The following LARGE1 variants were observed in gnomAD, a reference collection of about 807,000 sequenced individuals.
LARGE1 encodes the protein xylosyl- and glucuronyltransferase LARGE1.
A neutral mutation model predicts 87.6 loss-of-function variants in LARGE1; 43 were observed. That is an observed-to-expected ratio of 0.49 (90% CI 0.38 to 0.63). The LOEUF is 0.63. Ranked by LOEUF, LARGE1 falls within the 30% of genes least tolerant of loss-of-function variation. The pLI, the probability that LARGE1 is intolerant of heterozygous loss-of-function variation, is 0.00. For missense variants in LARGE1, 802 were observed against 1,000.2 expected (o/e 0.80, Z 2.67); for synonymous variants, 434 against 394.6 (o/e 1.10, Z -1.18).
intron 11 of LARGE1, among the ~76,000 whole-genome samples, chr22:33,181,676 C>G (rs1021880624): frequency 2.0e-5 from 3 of 151,496 alleles, no homozygotes; most frequent in Non-Finnish European, 2.9e-5. Context: ...TTACAAGCGC[C>G]CGCCACCACA....
chr22:33,750,514 T>C (rs2084273761), intron 2 of LARGE1: 1 of 152,186 alleles, frequency 6.6e-6, no homozygotes, highest in Admixed American at 6.5e-5. Context: ...GTTTCCATTA[T>C]TGTTATAGTT....
rs140972021 is a variant in LARGE1 at position 33,296,682 on chromosome 22, C to G, written c.1730+7547G>C. 5.5e-3 allele frequency among the ~76,000 whole-genome samples: 837 copies of G among 151,614 alleles called. 9 individuals are homozygous for G. Among genetic ancestry groups the G allele is most frequent in the African/African-American group, 0.019 (778 of 41,286 alleles). ...CTCCGAGGTTCAAGCGATTTTCCTG[C>G]CTCAGCCTCCTGAGTAGCTGGGATT... On this transcript the variant is annotated intron_variant, in intron 12 of 14. Transcript: ENST00000397394.
intron 10 of LARGE1, among the ~76,000 whole-genome samples, chr22:33,318,707 C>T (rs746333415): frequency 2.0e-4 from 31 of 151,806 alleles, no homozygotes; most frequent in Non-Finnish European, 3.7e-4. Flanking sequence ...TGTAACTAAC[C>T]GGCACATTGT....
intron 2 of LARGE1, among the ~76,000 whole-genome samples, chr22:33,748,011 C>T (rs867364713): frequency 7.4e-6 from 1 of 134,468 alleles, no homozygotes; most frequent in Non-Finnish European, 1.5e-5. Context: ...GCACTGTGTG[C>T]CCTCTGCTGG....
chr22:33,306,313 G>A (rs776122191), intron 11 of LARGE1, among the ~76,000 whole-genome samples: 5 of 152,160 alleles, frequency 3.3e-5, no homozygotes, highest in African/African-American at 1.2e-4. Context: ...GGGACTCTGC[G>A]CTTCATGAGA....
chr22:33,439,782 C>T (rs1219396644), intron 6 of LARGE1, among the ~76,000 whole-genome samples: 1 of 152,136 alleles, frequency 6.6e-6, no homozygotes, highest in Non-Finnish European at 1.5e-5. Context: ...CCAAAACTAA[C>T]TCCACAATCT....
intron 11 of LARGE1, among the ~76,000 whole-genome samples, chr22:33,255,234 G>A (rs1052743450): frequency 6.6e-6 from 1 of 152,074 alleles, no homozygotes; most frequent in African/African-American, 2.4e-5. Flanking sequence ...CACCGTGCCT[G>A]GCCCGGGAAG....
chr22:33,218,129 C>T (rs1925295279), intron 11 of LARGE1, among the ~76,000 whole-genome samples: 1 of 152,014 alleles, frequency 6.6e-6, no homozygotes, highest in African/African-American at 2.4e-5. Context: ...GGGATTTCAT[C>T]ATGTTGGCCA....
chr22:33,664,233 C>G (rs765862933), intron 2 of LARGE1, among the ~76,000 whole-genome samples: 5 of 152,200 alleles, frequency 3.3e-5, no homozygotes, highest in Non-Finnish European at 7.3e-5. Flanking sequence ...GGAGTCCTTT[C>G]ATGTCCCCAC....
intron 11 of LARGE1, among the ~76,000 whole-genome samples, chr22:33,194,989 G>C (rs1367000262): frequency 6.6e-6 from 1 of 152,002 alleles, no homozygotes; most frequent in Non-Finnish European, 1.5e-5. Flanking sequence ...AGTTGCCCAA[G>C]GTTTTTCAGC....
At position 33,327,333 on chromosome 22, in the gene LARGE1, T is replaced by C. The variant is rs552488644; in HGVS notation, c.1287+10313A>G. ...GAGAGAGTTAAGCTTGGAAGCCTTC[T>C]TCATTTCAGAGGTGAGGCAGTGATC... On this transcript the variant is annotated intron_variant, in intron 10 of 14. Coordinates refer to ENST00000397394, the MANE Select transcript of LARGE1 (RefSeq NM_133642.5). Among the ~76,000 whole-genome samples the C allele has an allele frequency of 1.1e-4, 16 of 152,342 alleles. No homozygotes were observed. In the East Asian group the frequency reaches 2.7e-3, roughly 26 times the overall value.
At chr22:33,259,342 AC>A (rs1568993168) in intron 11 of LARGE1, among the ~76,000 whole-genome samples, 208 of 142,940 alleles carry the variant, frequency 1.5e-3, no homozygotes, top group African/African-American at 6.0e-3. Flanking sequence ...ACACACACAC[AC>A]ACACAAACAC....
intron 11 of LARGE1, among the ~76,000 whole-genome samples, chr22:33,258,290 C>G (rs1171478171): frequency 6.6e-6 from 1 of 152,148 alleles, no homozygotes; most frequent in African/African-American, 2.4e-5. Context: ...CCTTGGCCTC[C>G]CAAAGTGCTG....
chr22:33,254,955 T>TTTTTTA (rs1927186129), intron 11 of LARGE1, among the ~76,000 whole-genome samples: 1 of 140,502 alleles, frequency 7.1e-6, no homozygotes, highest in African/African-American at 2.8e-5. Context: ...TTTTTTTTTT[T>TTTTTTA]GAGACGGAGT....
At chr22:33,248,874 C>T (rs537000355) in intron 11 of LARGE1, among the ~76,000 whole-genome samples, 5 of 152,332 alleles carry the variant, frequency 3.3e-5, no homozygotes, top group Non-Finnish European at 7.3e-5. Context: ...CGTGCCTTTT[C>T]ATGGCTTAAT....
At chr22:33,203,434 C>T (rs1342823564) in intron 11 of LARGE1, among the ~76,000 whole-genome samples, 1 of 152,102 alleles carries the variant, frequency 6.6e-6, no homozygotes, top group Non-Finnish European at 1.5e-5. Flanking sequence ...ATACTGGGAA[C>T]CACTGAGCGG....
At chr22:33,446,803 T>A (rs1447272919) in intron 6 of LARGE1, among the ~76,000 whole-genome samples, 1 of 152,186 alleles carries the variant, frequency 6.6e-6, no homozygotes, top group African/African-American at 2.4e-5. Flanking sequence ...CAGGGCACCA[T>A]CTGCACAGAG....
chr22:33,577,295 A>T (rs1232927290), intron 5 of LARGE1, among the ~76,000 whole-genome samples: 1 of 152,236 alleles, frequency 6.6e-6, no homozygotes, highest in African/African-American at 2.4e-5. Context: ...ATTTAAAAAG[A>T]GGTTAAGAAA....
chr22:33,555,654 C>T (rs537070190), intron 6 of LARGE1, among the ~76,000 whole-genome samples: 3 of 152,166 alleles, frequency 2.0e-5, no homozygotes, highest in African/African-American at 4.8e-5. Flanking sequence ...AAGGGCCAGG[C>T]GTGGTGGCTC....
Sources: gnomAD v4.1 joint callset for allele counts (sites outside exome capture counted in the v4.1 genomes callset) on GRCh38, gnomAD v4.1.1 for gene constraint, MANE v1.5 for transcripts, NCBI Gene and HGNC (gene_info 2026-07-23, HGNC 2026-07-21) for gene names.